Variants in GRM3 observed in about 807,000 individuals in gnomAD.
GRM3 encodes glutamate metabotropic receptor 3.
A neutral mutation model predicts 70.5 loss-of-function variants in GRM3; 26 were observed. That is an observed-to-expected ratio of 0.37 (90% CI 0.27 to 0.51). The LOEUF (loss-of-function observed/expected upper bound fraction) is 0.51. Ranked by LOEUF, GRM3 falls within the 20% of genes least tolerant of loss-of-function variation. The probability of loss-of-function intolerance (pLI) is 0.93; values close to 1 mark genes in which losing one functional copy is unlikely to be tolerated. For synonymous variants in GRM3, 443 were observed against 434.9 expected (o/e 1.02, Z -0.23); for missense variants, 859 against 1,123.8 (o/e 0.76, Z 3.37).
At chr7:86,861,354 G>A (rs1051060549) in intron 5 of GRM3, among the ~76,000 whole-genome samples, 1 of 152,114 alleles carries the variant, frequency 6.6e-6, no homozygotes, top group South Asian at 2.1e-4. Context: ...CCAGCACTAG[G>A]GATAAAATAA....
At chr7:86,698,235 C>T (rs1427395305) in intron 1 of GRM3, among the ~76,000 whole-genome samples, 1 of 152,034 alleles carries the variant, frequency 6.6e-6, no homozygotes, top group East Asian at 1.9e-4. Flanking sequence ...CCTTGACATT[C>T]TTATGACAAA....
intron 3 of GRM3, among the ~76,000 whole-genome samples, chr7:86,788,741 A>G (rs957283328): frequency 6.6e-6 from 1 of 152,208 alleles, no homozygotes; most frequent in Non-Finnish European, 1.5e-5. Context: ...TCTGCAATGC[A>G]CTTAATTCTT....
chr7:86,863,876 A>C (rs1799007450), intron 5 of GRM3, among the ~76,000 whole-genome samples: 1 of 152,184 alleles, frequency 6.6e-6, no homozygotes, highest in African/African-American at 2.4e-5. Flanking sequence ...CCCCGCCAAG[A>C]GGTATAACGT....
At chr7:86,850,637 AAC>A (rs924704108) in intron 5 of GRM3, 93 bp downstream of exon 5, 2 of 823,034 alleles carry the variant, frequency 2.4e-6, no homozygotes, top group African/African-American at 3.3e-5. Context: ...TGTCCCCATG[AAC>A]AATCTCAATT....
At chr7:86,749,647 A>G (rs1361157595) in intron 1 of GRM3, among the ~76,000 whole-genome samples, 1 of 152,034 alleles carries the variant, frequency 6.6e-6, no homozygotes, top group Non-Finnish European at 1.5e-5. Context: ...TTCTCCTGAA[A>G]CTGAAATGAA....
chr7:86,690,485 T>TGAGA (rs1794671789), intron 1 of GRM3, among the ~76,000 whole-genome samples: 1 of 152,022 alleles, frequency 6.6e-6, no homozygotes, highest in South Asian at 2.1e-4. Context: ...AGTGAGAAAG[T>TGAGA]GAGAGATAAT....
At chr7:86,744,112 T>C (rs1235565830) in intron 1 of GRM3, among the ~76,000 whole-genome samples, 1 of 152,042 alleles carries the variant, frequency 6.6e-6, no homozygotes, top group Non-Finnish European at 1.5e-5. Flanking sequence ...ATGAATCCAC[T>C]ATACGAAGCA....
intron 2 of GRM3, among the ~76,000 whole-genome samples, chr7:86,774,553 A>G (rs11971086): frequency 0.024 from 3,603 of 152,232 alleles, 124 homozygotes; most frequent in African/African-American, 0.083. Context: ...GAACTGCAAT[A>G]CAGGGGAGAA....
chr7:86,793,779 G>A (rs2116588145), intron 3 of GRM3, among the ~76,000 whole-genome samples: 1 of 152,172 alleles, frequency 6.6e-6, no homozygotes, highest in African/African-American at 2.4e-5. Flanking sequence ...TTCTGCTGCT[G>A]CTGCTGCTGC....
intron 1 of GRM3, among the ~76,000 whole-genome samples, chr7:86,645,979 G>C: frequency 2.0e-5 from 1 of 49,434 alleles, no homozygotes; most frequent in Non-Finnish European, 3.5e-5. Context: ...TTTCTTTGTG[G>C]TGGGCGGGGG....
chr7:86,850,499 C>T lies in GRM3; in HGVS notation c.2521C>T (p.Leu841Phe). Residue 841 changes from leucine (L) to phenylalanine (F), a missense_variant, in exon 5 of 6, where the codon CTC becomes TTC. By Grantham distance (22) the Leu-to-Phe change is conservative (BLOSUM62 0). Coordinates refer to ENST00000361669, the MANE Select transcript of GRM3 (RefSeq NM_000840.3). ...QKNVVTHRLHLNRFSVSGTGT... is the reference protein window; with the variant it reads ...QKNVVTHRLHFNRFSVSGTGT... ...GAATGTTGTCACACACAGACTGCAC[C>T]TCAACAGGTTCAGTGTCAGTGGAAC... is the stretch of plus-strand genomic sequence containing the variant. The T allele has an allele frequency of 6.2e-7, 1 of 1,611,830 alleles. No individual in the cohort carries two copies. The highest frequency in any genetic ancestry group is 8.5e-7 in the Non-Finnish European group (1 of 1,178,114).
intron 1 of GRM3, among the ~76,000 whole-genome samples, chr7:86,675,811 A>T (rs1175969951): frequency 6.6e-6 from 1 of 151,908 alleles, no homozygotes; most frequent in Non-Finnish European, 1.5e-5. Context: ...CCATAGATTC[A>T]AATGTCTCAG....
intron 1 of GRM3, among the ~76,000 whole-genome samples, chr7:86,701,947 A>T (rs972084995): frequency 6.6e-6 from 1 of 151,962 alleles, no homozygotes; most frequent in Non-Finnish European, 1.5e-5. Flanking sequence ...ACTTCATTAC[A>T]CTAAGGAAGA....
At chr7:86,828,540 TTTA>T (rs1798290275) in intron 3 of GRM3, among the ~76,000 whole-genome samples, 2 of 152,362 alleles carry the variant, frequency 1.3e-5, no homozygotes, top group South Asian at 2.1e-4. Flanking sequence ...TATACTGTAG[TTTA>T]TTAAGTGTAC....
At chr7:86,735,813 T>C (rs574478978) in intron 1 of GRM3, among the ~76,000 whole-genome samples, 88 of 152,338 alleles carry the variant, frequency 5.8e-4, no homozygotes, top group African/African-American at 2.0e-3. Context: ...ATATTCGCAT[T>C]ATTACTTTAT....
At chr7:86,653,079 A>G (rs955787940) in intron 1 of GRM3, among the ~76,000 whole-genome samples, 1 of 152,230 alleles carries the variant, frequency 6.6e-6, no homozygotes, top group Admixed American at 6.5e-5. Flanking sequence ...TGCGAAGTCC[A>G]TGATTAAGAT....
intron 2 of GRM3, among the ~76,000 whole-genome samples, chr7:86,776,646 T>G (rs764078924): frequency 6.6e-6 from 1 of 152,162 alleles, no homozygotes; most frequent in Non-Finnish European, 1.5e-5. Context: ...AAGGCCATAT[T>G]TCTCATATTA....
chr7:86,693,817 G>A (rs1794749521), intron 1 of GRM3, among the ~76,000 whole-genome samples: 1 of 152,300 alleles, frequency 6.6e-6, no homozygotes, highest in Middle Eastern at 3.4e-3. Flanking sequence ...TGTTAGATCT[G>A]GAAGTACCAG....
At chr7:86,762,564 A>G (rs1021464523) in intron 1 of GRM3, among the ~76,000 whole-genome samples, 1 of 152,148 alleles carries the variant, frequency 6.6e-6, no homozygotes, top group African/African-American at 2.4e-5. Flanking sequence ...AAAAATTCTA[A>G]ATGCTGTGCC....
Sources: gnomAD v4.1 joint callset for allele counts (sites outside exome capture counted in the v4.1 genomes callset) on GRCh38, gnomAD v4.1.1 for gene constraint, MANE v1.5 for transcripts, NCBI Gene and HGNC (gene_info 2026-07-23, HGNC 2026-07-21) for gene names.